The following AGBL2 variants were observed in gnomAD, a reference collection of about 807,000 sequenced individuals.
AGBL2 encodes the protein AGBL carboxypeptidase 2, also known as cytosolic carboxypeptidase 2.
In AGBL2, 87 loss-of-function variants were observed where a neutral mutation model predicts 103.0. That is an observed-to-expected ratio of 0.84 (90% CI 0.71 to 1.01). The LOEUF (loss-of-function observed/expected upper bound fraction) is 1.01. AGBL2 is among the 50% of genes least tolerant of loss of function. AGBL2 has a pLI of 0.00. For missense variants in AGBL2, 904 were observed against 1,023.5 expected, an observed-to-expected ratio of 0.88 and a Z score of 1.59; for synonymous variants, 335 against 356.7, an observed-to-expected ratio of 0.94 and a Z score of 0.69.
At chr11:47,681,098 G>A (rs2097399517) in intron 12 of AGBL2, among the ~76,000 whole-genome samples, 1 of 152,030 alleles carries the variant, frequency 6.6e-6, no homozygotes, top group Non-Finnish European at 1.5e-5. Flanking sequence ...GAGAGGCCGA[G>A]GCAGGAGGAT....
rs550908653 is a variant in AGBL2, at chr11:47,660,696, G to A, written c.2536-350C>T. 3.4e-3 allele frequency among the ~76,000 whole-genome samples: 493 copies of A among 146,838 alleles called. 1 individual carries two copies. Among genetic ancestry groups the A allele is most frequent in the Middle Eastern group, 0.01 (3 of 286 alleles). ...AGCCTCCCGAGGAGCTGGGACTACAGGCGTGCACCACCACACCCAGCTAAT... is the reference window on the plus strand; with the variant it reads ...AGCCTCCCGAGGAGCTGGGACTACAAGCGTGCACCACCACACCCAGCTAAT... On this transcript the variant is annotated intron_variant, in intron 18 of 18. Coordinates refer to ENST00000525123, the MANE Select transcript of AGBL2 (RefSeq NM_024783.4).
intron 14 of AGBL2, among the ~76,000 whole-genome samples, chr11:47,674,345 T>C (rs1042002409): frequency 1.3e-5 from 2 of 152,098 alleles, no homozygotes; most frequent in African/African-American, 4.8e-5. Flanking sequence ...GCAGATTGCC[T>C]GAGGTCAGGA....
intron 7 of AGBL2, among the ~76,000 whole-genome samples, chr11:47,699,874 C>T (rs1464286428): frequency 6.6e-6 from 1 of 152,090 alleles, no homozygotes; most frequent in African/African-American, 2.4e-5. Flanking sequence ...TTAAAGTGAG[C>T]AAAATATGGT....
In AGBL2 at chr11:47,699,821, A is replaced by G. The variant is rs2097491061; in HGVS notation, c.587-268T>C. On this transcript the variant is annotated intron_variant, in intron 7 of 18. Transcript: ENST00000525123. ...CTAAGAATAAGTCAGAAAGGTCAATATAGCTGCTGCAACAGCTCTTCAAAA... is the reference window on the plus strand; with the variant it reads ...CTAAGAATAAGTCAGAAAGGTCAATGTAGCTGCTGCAACAGCTCTTCAAAA... 2.0e-5 allele frequency among the ~76,000 whole-genome samples: 3 copies of G among 152,184 alleles called. No individual in the cohort carries two copies. The South Asian group carries it at 6.2e-4, about 31-fold the overall frequency.
chr11:47,678,216 C>T (rs2097383386), intron 13 of AGBL2, among the ~76,000 whole-genome samples: 1 of 151,888 alleles, frequency 6.6e-6, no homozygotes, highest in South Asian at 2.1e-4. Context: ...CCCGCCTTGG[C>T]CTCCCAAAGT....
intron 9 of AGBL2, among the ~76,000 whole-genome samples, chr11:47,691,606 G>A (rs1480048969): frequency 1.4e-5 from 2 of 146,940 alleles, no homozygotes; most frequent in Admixed American, 6.9e-5. Context: ...TACTCAGGAG[G>A]CTGAGGCAGG....
At position 47,710,367 on chromosome 11, in the gene AGBL2, T is replaced by G. The variant is rs751690469; in HGVS notation, c.232+10A>C. On this transcript the variant is annotated intron_variant, in intron 4 of 18. Coordinates refer to ENST00000525123, the MANE Select transcript of AGBL2 (RefSeq NM_024783.4). Reference sequence around the variant, plus strand: ...GGTTCTAGAGGTCACACATACTGATTGTTACTCACATAGAAGCTTCTCCTT... The same window carrying G: ...GGTTCTAGAGGTCACACATACTGATGGTTACTCACATAGAAGCTTCTCCTT... 6.2e-7 allele frequency: 1 copy of G among 1,613,936 alleles called. No homozygotes were observed. The highest frequency in any genetic ancestry group is 1.1e-5 in the South Asian group (1 of 91,070).
chr11:47,691,974 T>A (rs1359774417), intron 9 of AGBL2, 129 bp downstream of exon 9: 2 of 789,116 alleles, frequency 2.5e-6, no homozygotes, highest in Non-Finnish European at 3.7e-6. Context: ...TTACTCCATT[T>A]TTCTTCATAC....
At chr11:47,679,542 A>G (rs572447222) in intron 13 of AGBL2, among the ~76,000 whole-genome samples, 5 of 152,018 alleles carry the variant, frequency 3.3e-5, no homozygotes, top group Non-Finnish European at 7.4e-5. Context: ...ATTTTCTTTT[A>G]TTATAAAAAC....
At chr11:47,673,351 C>T (rs1039418188) in intron 14 of AGBL2, among the ~76,000 whole-genome samples, 3 of 151,872 alleles carry the variant, frequency 2.0e-5, no homozygotes, top group South Asian at 2.1e-4. Context: ...GATGGCCGGG[C>T]GCAGTGGCTC....
In AGBL2 at chr11:47,689,992, G is replaced by A. The variant is rs540755042; in HGVS notation, c.1631+84C>T. The A allele has an allele frequency of 3.4e-5, 41 of 1,221,776 alleles. No individual in the cohort carries two copies. In the African/African-American group the frequency reaches 6.1e-4, roughly 18 times the overall value. The allele number at this position is 1,221,776 out of a possible 1,614,324, so 75.7% of individuals were successfully genotyped here. A position where few individuals can be genotyped will look rare whatever the true frequency, so the allele number is the denominator to read the frequency against. On this transcript the variant is annotated intron_variant, in intron 10 of 18. Transcript: ENST00000525123. ...ATACTCAATTCCTTTAACAACAGAA[G>A]AGACCTCATACCCCATCAGGTAGGG... is the stretch of plus-strand genomic sequence containing the variant.
intron 3 of AGBL2, among the ~76,000 whole-genome samples, chr11:47,712,476 T>C (rs1408612653): frequency 1.3e-5 from 2 of 152,204 alleles, no homozygotes; most frequent in African/African-American, 4.8e-5. Context: ...TAAATCTTTA[T>C]TGGGAGACAT....
intron 8 of AGBL2, among the ~76,000 whole-genome samples, chr11:47,696,111 G>A (rs1462255819): frequency 1.4e-5 from 2 of 139,420 alleles, no homozygotes; most frequent in African/African-American, 5.3e-5. Context: ...GGAACAAATC[G>A]CTTGAACCTA....
intron 8 of AGBL2, among the ~76,000 whole-genome samples, chr11:47,697,706 C>T (rs887356218): frequency 1.3e-5 from 2 of 151,124 alleles, no homozygotes; most frequent in African/African-American, 2.4e-5. Context: ...CCACCACGCC[C>T]GGCTATTTTT....
In AGBL2 at chr11:47,686,025, C is replaced by T. The variant is rs375059205; in HGVS notation, c.1656G>A (p.Leu552=). The T allele has an allele frequency of 1.9e-5, 31 of 1,613,836 alleles. No individual in the cohort carries two copies. Among genetic ancestry groups the T allele is most frequent in the East Asian group, 2.2e-5 (1 of 44,874 alleles). ...IKRLLEEREV[L]LYCDFHGHSR... is the part of the protein sequence containing the mutation. ...TGTGGCCATGGAAATCACAATACAA[C>T]AGAACCTCTCTTTCTTCAAGAAGTC... is the stretch of plus-strand genomic sequence containing the variant. The change falls in exon 11 of 19, where the codon CTG becomes CTA. Residue 552 remains leucine, a synonymous_variant. Transcript: ENST00000525123.
intron 8 of AGBL2, among the ~76,000 whole-genome samples, chr11:47,698,966 CAA>C (rs5791781): frequency 0.57 from 67,207 of 117,106 alleles, 15,886 homozygotes; most frequent in East Asian, 0.61. Context: ...GTAGGAATGG[CAA>C]AAAAAAAAAA....
chr11:47,690,471 G>A lies in AGBL2; in HGVS notation c.1236C>T (p.Asn412=). The A allele has an allele frequency of 1.2e-6, 2 of 1,614,144 alleles. No homozygotes were observed. Among genetic ancestry groups the A allele is most frequent in the Non-Finnish European group, 1.7e-6 (2 of 1,180,034 alleles). ...TGCAGAACTGAGACTGGATAGGGTT[G>A]TTTGCCACTGACAGGAGGTAGCATT... The part of the protein sequence containing the change: ...DLQCYLLSVA[N]NPIQSQFCKL... Residue 412 remains asparagine, a synonymous_variant, in exon 10 of 19, where the codon AAC becomes AAT. Coordinates refer to ENST00000525123, the MANE Select transcript of AGBL2 (RefSeq NM_024783.4).
intron 17 of AGBL2, 104 bp downstream of exon 17, chr11:47,666,852 G>A: frequency 1.3e-6 from 1 of 776,014 alleles, no homozygotes; most frequent in East Asian, 2.7e-5. Context: ...TGTCAGGTTA[G>A]GGTAACGTAA....
chr11:47,701,998 A>G (rs1457581889), intron 7 of AGBL2, among the ~76,000 whole-genome samples: 1 of 151,678 alleles, frequency 6.6e-6, no homozygotes, highest in African/African-American at 2.4e-5. Context: ...AAAAAGAAAA[A>G]AAATTAGCCA....
Sources: allele counts gnomAD v4.1 joint callset (sites outside exome capture counted in the v4.1 genomes callset), GRCh38; gene constraint gnomAD v4.1.1; transcripts MANE v1.5; gene names NCBI Gene and HGNC (gene_info 2026-07-23, HGNC 2026-07-21).